PCDH11X: variants seen among roughly 807,000 people sequenced by gnomAD.
PCDH11X encodes protocadherin 11 X-linked.
Under a neutral mutation model 53.3 loss-of-function variants are expected in PCDH11X, and 18 were observed. That is an observed-to-expected ratio of 0.34 (90% confidence interval 0.23 to 0.50). PCDH11X has a LOEUF of 0.50. Among genes scored for constraint, PCDH11X ranks in the 20% least tolerant of loss-of-function variants. The pLI is 0.98. For synonymous variants in PCDH11X, 279 were observed against 393.3 expected (o/e 0.71, Z 3.44); for missense variants, 570 against 1,032.4 (o/e 0.55, Z 6.14).
intron 8 of PCDH11X, among the ~76,000 whole-genome samples, chrX:92,272,877 T>A (rs1458004071): frequency 4.4e-5 from 5 of 112,434 alleles, no homozygotes; most frequent in African/African-American, 1.6e-4. Context: ...TTGATACAAT[T>A]AGCTTAATTT....
chrX:91,966,691 CA>C (rs994728667), intron 6 of PCDH11X, among the ~76,000 whole-genome samples: 1 of 109,874 alleles, frequency 9.1e-6, no homozygotes, highest in African/African-American at 3.3e-5. Context: ...TTTCAAAAAA[CA>C]AAAAAAGAAA....
At chrX:91,900,287 T>C (rs1057270761) in intron 6 of PCDH11X, among the ~76,000 whole-genome samples, 5 of 110,444 alleles carry the variant, frequency 4.5e-5, no homozygotes, top group African/African-American at 1.6e-4. Context: ...GGAATTGTTG[T>C]TGTGTCTCGT....
chrX:92,539,147 G>A (rs1348184810), intron 10 of PCDH11X, among the ~76,000 whole-genome samples: 2 of 109,641 alleles, frequency 1.8e-5, no homozygotes, highest in East Asian at 2.9e-4. Context: ...TATTTCTCTA[G>A]ATTTGGGAAG....
At chrX:92,369,484 G>C (rs2522634) in intron 8 of PCDH11X, among the ~76,000 whole-genome samples, 1 of 111,325 alleles carries the variant, frequency 9.0e-6, no homozygotes, top group Admixed American at 9.5e-5. Context: ...GAGACCACTT[G>C]GCTCCCTGGC....
intron 6 of PCDH11X, among the ~76,000 whole-genome samples, chrX:92,111,978 C>T (rs1482413990): frequency 1.8e-5 from 2 of 108,780 alleles, no homozygotes; most frequent in Admixed American, 1.0e-4. Flanking sequence ...AGGATGGTCT[C>T]GATTCCCTGA....
intron 6 of PCDH11X, among the ~76,000 whole-genome samples, chrX:92,137,772 AT>A (rs2065106142): frequency 9.1e-6 from 1 of 109,426 alleles, no homozygotes; most frequent in Non-Finnish European, 1.9e-5. Flanking sequence ...TATTCGGGAT[AT>A]TTCATATAAA....
Position 91,799,185 on chromosome X carries a change from A to G in PCDH11X, c.-378-10281A>G, listed in dbSNP as rs775942681. Among the ~76,000 whole-genome samples the G allele has an allele frequency of 8.5e-4, 94 of 110,987 alleles. 1 individual carries two copies. Among genetic ancestry groups the G allele is most frequent in the African/African-American group, 3.0e-3 (91 of 30,629 alleles). On this transcript the variant is annotated intron_variant, in intron 1 of 10. Transcript: ENST00000682573. The stretch of plus-strand genomic sequence containing the variant: ...AATTAAAATTTTAGGATATTCCACA[A>G]AGTTGAATAGAGGTTTTAACTAAAT...
At chrX:91,932,013 T>A (rs760015071) in intron 6 of PCDH11X, among the ~76,000 whole-genome samples, 125 of 110,817 alleles carry the variant, frequency 1.1e-3, no homozygotes, top group African/African-American at 3.9e-3. Flanking sequence ...CAGTGTGTGT[T>A]GTTCCCCGCT....
At chrX:92,320,384 T>C (rs2069173085) in intron 8 of PCDH11X, among the ~76,000 whole-genome samples, 1 of 110,613 alleles carries the variant, frequency 9.0e-6, no homozygotes, top group African/African-American at 3.3e-5. Context: ...AAATGGACAA[T>C]GATCTCATGA....
chrX:92,422,877 C>G (rs959852995), intron 9 of PCDH11X, among the ~76,000 whole-genome samples: 1 of 108,202 alleles, frequency 9.2e-6, no homozygotes, highest in Admixed American at 9.8e-5. Flanking sequence ...GAGACGGAGT[C>G]TCACTCTATT....
chrX:92,214,000 G>A (rs1466092267), intron 7 of PCDH11X, among the ~76,000 whole-genome samples: 2 of 111,733 alleles, frequency 1.8e-5, no homozygotes, highest in Non-Finnish European at 3.8e-5. Flanking sequence ...TTCTAGCAAC[G>A]TCTAGCACCC....
At chrX:92,351,557 T>C (rs1244321147) in intron 8 of PCDH11X, among the ~76,000 whole-genome samples, 1 of 111,744 alleles carries the variant, frequency 8.9e-6, no homozygotes, top group Non-Finnish European at 1.9e-5. Flanking sequence ...GTAATAATAA[T>C]TATATTATCT....
intron 6 of PCDH11X, among the ~76,000 whole-genome samples, chrX:91,978,414 T>A (rs1261055612): frequency 9.5e-5 from 10 of 105,015 alleles, no homozygotes; most frequent in Non-Finnish European, 1.8e-4. Flanking sequence ...ACTTCGCACA[T>A]CTCTTCATTG....
At chrX:92,548,272 G>A (rs2074893215) in intron 10 of PCDH11X, among the ~76,000 whole-genome samples, 1 of 110,307 alleles carries the variant, frequency 9.1e-6, no homozygotes, top group South Asian at 3.9e-4. Context: ...CCAGGCTTAC[G>A]TGATCCTCGC....
At chrX:92,301,409 G>A (rs185333230) in intron 8 of PCDH11X, among the ~76,000 whole-genome samples, 1 of 106,905 alleles carries the variant, frequency 9.4e-6, no homozygotes, top group Non-Finnish European at 1.9e-5. Flanking sequence ...TTGGGGAATG[G>A]GCGTCCCTGG....
chrX:92,529,208 C>T (rs777786094), intron 10 of PCDH11X, among the ~76,000 whole-genome samples: 18 of 111,898 alleles, frequency 1.6e-4, no homozygotes, highest in Admixed American at 1.5e-3. Context: ...GTAACAAGCA[C>T]ATCACCATTG....
intron 6 of PCDH11X, among the ~76,000 whole-genome samples, chrX:92,095,137 T>C (rs902590354): frequency 2.7e-5 from 3 of 110,676 alleles, no homozygotes; most frequent in Non-Finnish European, 5.7e-5. Flanking sequence ...TGTGGTGAAA[T>C]TTCCAGCACA....
At chrX:92,452,463 GTATATATATATATATATATATATA>G (rs763381982) in intron 9 of PCDH11X, among the ~76,000 whole-genome samples, 1 of 44,731 alleles carries the variant, frequency 2.2e-5, no homozygotes, top group Non-Finnish European at 3.7e-5. Context: ...GTGTGTGTGT[GTATATATATATATATATATATATA>G]TATATATATA....
chrX:92,228,981 C>G (rs2067020593), intron 7 of PCDH11X, among the ~76,000 whole-genome samples: 2 of 111,337 alleles, frequency 1.8e-5, no homozygotes, highest in Admixed American at 1.9e-4. Flanking sequence ...TATTTCTTTC[C>G]TCCAACAAAC....
Sources: allele counts gnomAD v4.1 joint callset (sites outside exome capture counted in the v4.1 genomes callset), GRCh38; gene constraint gnomAD v4.1.1; transcripts MANE v1.5; gene names NCBI Gene and HGNC (gene_info 2026-07-23, HGNC 2026-07-21).